Variants in KCNMB2 observed in about 807,000 individuals in gnomAD.
The protein encoded by KCNMB2 is calcium-activated potassium channel subunit beta-2.
Under a neutral mutation model 24.5 loss-of-function variants are expected in KCNMB2, and 9 were observed. The observed-to-expected ratio is 0.37, with a 90% CI of 0.22 to 0.64. The LOEUF is 0.64. Ranked by LOEUF, KCNMB2 falls within the 30% of genes least tolerant of loss-of-function variation. KCNMB2 has a pLI of 0.63. For synonymous variants in KCNMB2, 109 were observed against 104.4 expected, an observed-to-expected ratio of 1.04 and a Z score of -0.27; for missense variants, 226 against 284.3, an observed-to-expected ratio of 0.79 and a Z score of 1.47.
chr3:178,683,528 G>A (rs1435752068), intron 1 of KCNMB2, among the ~76,000 whole-genome samples: 1 of 152,062 alleles, frequency 6.6e-6, no homozygotes, highest in South Asian at 2.1e-4. Context: ...TAATCACATA[G>A]AAATTACTAA....
chr3:178,721,846 T>C (rs188583286), intron 1 of KCNMB2, among the ~76,000 whole-genome samples: 12 of 152,332 alleles, frequency 7.9e-5, no homozygotes, highest in Non-Finnish European at 1.5e-4. Context: ...TGATTACCTT[T>C]TTATGTGGTA....
chr3:178,837,658 A>G (rs1457475481), intron 4 of KCNMB2, among the ~76,000 whole-genome samples: 2 of 152,164 alleles, frequency 1.3e-5, no homozygotes, highest in African/African-American at 4.8e-5. Context: ...TCTGTTGCTC[A>G]TATGTGTACC....
chr3:178,704,838 A>G (rs184654114), intron 1 of KCNMB2, among the ~76,000 whole-genome samples: 6 of 152,254 alleles, frequency 3.9e-5, no homozygotes, highest in Non-Finnish European at 8.8e-5. Context: ...ATTAAATGCT[A>G]TGAATAAATG....
chr3:178,545,819 G>C (rs1715754430), intron 1 of KCNMB2, among the ~76,000 whole-genome samples: 1 of 152,186 alleles, frequency 6.6e-6, no homozygotes, highest in South Asian at 2.1e-4. Flanking sequence ...AGGGGGAAAA[G>C]AAACCTGACA....
intron 1 of KCNMB2, among the ~76,000 whole-genome samples, chr3:178,585,877 A>G (rs1717411451): frequency 6.6e-6 from 1 of 152,224 alleles, no homozygotes; most frequent in South Asian, 2.1e-4. Flanking sequence ...ATGTGAGCTG[A>G]TAATTTAGGA....
intron 1 of KCNMB2, among the ~76,000 whole-genome samples, chr3:178,639,215 CATTA>C (rs1320220976): frequency 2.0e-5 from 3 of 152,064 alleles, no homozygotes; most frequent in Admixed American, 6.6e-5. Context: ...AAAATCTTGA[CATTA>C]ATTATCTCAT....
At chr3:178,575,491 A>G (rs1349381434) in intron 1 of KCNMB2, among the ~76,000 whole-genome samples, 1 of 152,108 alleles carries the variant, frequency 6.6e-6, no homozygotes, top group Non-Finnish European at 1.5e-5. Context: ...AAAGAAAATA[A>G]AGATACCATC....
At chr3:178,597,883 T>A (rs2108504888) in intron 1 of KCNMB2, among the ~76,000 whole-genome samples, 1 of 152,274 alleles carries the variant, frequency 6.6e-6, no homozygotes, top group East Asian at 1.9e-4. Flanking sequence ...CTACAACTTC[T>A]TCTTTTGTGT....
chr3:178,580,970 C>T (rs535167229), intron 1 of KCNMB2, among the ~76,000 whole-genome samples: 1 of 152,254 alleles, frequency 6.6e-6, no homozygotes, highest in South Asian at 2.1e-4. Flanking sequence ...TCAATGCTAT[C>T]CCCATCAAAC....
At position 178,656,114 on chromosome 3, in the gene KCNMB2, C is replaced by T. The variant is rs116839277; in HGVS notation, c.-68+119403C>T. Among the ~76,000 whole-genome samples, 1,042 of 152,244 alleles carry T rather than the reference C, an allele frequency of 6.8e-3. 12 individuals are homozygous for T. Among genetic ancestry groups the T allele is most frequent in the African/African-American group, 0.024 (1,012 of 41,548 alleles). On this transcript the variant is annotated intron_variant, in intron 1 of 4. Transcript: ENST00000452583. Reference sequence around the variant, plus strand: ...TAAACATGATAGAAAACAGGCTTACCTATCAATATGACCTAGGAAGTACTG... The same window carrying T: ...TAAACATGATAGAAAACAGGCTTACTTATCAATATGACCTAGGAAGTACTG...
In KCNMB2 at chr3:178,824,322, C is replaced by T. The variant is rs554156934; in HGVS notation, c.57-1266C>T. ...TCCGTGTCATTGAGCTGTAGCTCCCCACCCCATTTTTGAATGGGAGCATTT... is the reference window on the plus strand; with the variant it reads ...TCCGTGTCATTGAGCTGTAGCTCCCTACCCCATTTTTGAATGGGAGCATTT... On this transcript the variant is annotated intron_variant, in intron 2 of 4. Coordinates refer to ENST00000452583, the MANE Select transcript of KCNMB2 (RefSeq NM_181361.3). Among the ~76,000 whole-genome samples the T allele has an allele frequency of 1.3e-4, 20 of 152,258 alleles. 1 individual carries two copies. The highest frequency in any genetic ancestry group is 2.5e-4 in the Non-Finnish European group (17 of 68,014).
At chr3:178,707,182 T>G (rs1429540704) in intron 1 of KCNMB2, among the ~76,000 whole-genome samples, 2 of 152,070 alleles carry the variant, frequency 1.3e-5, no homozygotes, top group East Asian at 3.8e-4. Context: ...TTGAGGTGAG[T>G]TGAGTGGAAC....
At chr3:178,621,671 A>C (rs1370384269) in intron 1 of KCNMB2, among the ~76,000 whole-genome samples, 1 of 152,140 alleles carries the variant, frequency 6.6e-6, no homozygotes, top group African/African-American at 2.4e-5. Flanking sequence ...TTTACTATGC[A>C]TTTGTGAGAT....
chr3:178,706,179 C>A (rs1463242692), intron 1 of KCNMB2, among the ~76,000 whole-genome samples: 3 of 152,134 alleles, frequency 2.0e-5, no homozygotes, highest in Non-Finnish European at 4.4e-5. Flanking sequence ...TATTTGCCTA[C>A]TTCTCAAATT....
At chr3:178,658,401 T>C (rs1463208977) in intron 1 of KCNMB2, among the ~76,000 whole-genome samples, 1 of 152,220 alleles carries the variant, frequency 6.6e-6, no homozygotes, top group Non-Finnish European at 1.5e-5. Context: ...GAATCTTCAT[T>C]ATTTAATCAA....
At chr3:178,748,162 G>A (rs752849278) in intron 1 of KCNMB2, 1 of 152,084 alleles carries the variant, frequency 6.6e-6, no homozygotes, top group Non-Finnish European at 1.5e-5. Context: ...ATTCTGCCTT[G>A]TTTGGAACCA....
chr3:178,744,787 C>T (rs1200563674), intron 1 of KCNMB2, among the ~76,000 whole-genome samples: 1 of 152,134 alleles, frequency 6.6e-6, no homozygotes, highest in Non-Finnish European at 1.5e-5. Flanking sequence ...CCATAAATCC[C>T]CACAGCCTGA....
At chr3:178,673,058 T>G (rs1300288889) in intron 1 of KCNMB2, among the ~76,000 whole-genome samples, 1 of 152,188 alleles carries the variant, frequency 6.6e-6, no homozygotes, top group African/African-American at 2.4e-5. Flanking sequence ...TGCCTCCTTA[T>G]TTTTCCTTCT....
At chr3:178,635,944 T>C (rs1375355598) in intron 1 of KCNMB2, among the ~76,000 whole-genome samples, 1 of 152,246 alleles carries the variant, frequency 6.6e-6, no homozygotes, top group African/African-American at 2.4e-5. Flanking sequence ...GTTTCATAGT[T>C]TCATTGACAT....
Sources: gnomAD v4.1 joint callset for allele counts (sites outside exome capture counted in the v4.1 genomes callset) on GRCh38, gnomAD v4.1.1 for gene constraint, MANE v1.5 for transcripts, NCBI Gene and HGNC (gene_info 2026-07-23, HGNC 2026-07-21) for gene names.